VSNL1: variants seen among roughly 807,000 people sequenced by gnomAD.
VSNL1 encodes visinin-like protein 1.
A neutral mutation model predicts 20.4 loss-of-function variants in VSNL1; 6 were observed. The observed-to-expected ratio is 0.29, with a 90% CI of 0.16 to 0.58. The LOEUF (loss-of-function observed/expected upper bound fraction) is 0.58, where lower values mean the gene tolerates loss of function less well. Among genes scored for constraint, VSNL1 ranks in the 20% least tolerant of loss-of-function variants. The pLI is 0.90. For missense variants in VSNL1, 100 were observed against 234.5 expected, an observed-to-expected ratio of 0.43 and a Z score of 3.75; for synonymous variants, 93 against 86.4, an observed-to-expected ratio of 1.08 and a Z score of -0.42.
chr2:17,617,866 T>C (rs72785736), intron 2 of VSNL1, among the ~76,000 whole-genome samples: 4 of 151,212 alleles, frequency 2.6e-5, no homozygotes, highest in Non-Finnish European at 4.4e-5. Flanking sequence ...TTCACCTGCA[T>C]ACATGCACAT....
chr2:17,552,370 T>G (rs961243315), intron 1 of VSNL1, among the ~76,000 whole-genome samples: 30 of 152,298 alleles, frequency 2.0e-4, no homozygotes, highest in African/African-American at 6.5e-4. Flanking sequence ...CAAGGTCACA[T>G]AGATATTAAG....
At chr2:17,577,724 C>T (rs1664250342) in intron 1 of VSNL1, among the ~76,000 whole-genome samples, 1 of 152,118 alleles carries the variant, frequency 6.6e-6, no homozygotes, top group African/African-American at 2.4e-5. Flanking sequence ...CAGGGGACCC[C>T]AGAGTTCCCT....
intron 2 of VSNL1, among the ~76,000 whole-genome samples, chr2:17,631,399 T>C (rs1467491336): frequency 6.6e-6 from 1 of 152,186 alleles, no homozygotes; most frequent in African/African-American, 2.4e-5. Flanking sequence ...TGAACCTCAC[T>C]AGAAATCAGA....
At chr2:17,641,987 T>A (rs763365469) in intron 2 of VSNL1, among the ~76,000 whole-genome samples, 3 of 152,126 alleles carry the variant, frequency 2.0e-5, no homozygotes, top group Non-Finnish European at 4.4e-5. Flanking sequence ...ACTTCCAGAA[T>A]CAGAAAAACT....
chr2:17,577,196 T>A (rs897255865), intron 1 of VSNL1, among the ~76,000 whole-genome samples: 1 of 152,226 alleles, frequency 6.6e-6, no homozygotes, highest in Non-Finnish European at 1.5e-5. Context: ...AGTCCATTGT[T>A]GAGTGAACCG....
At chr2:17,543,534 T>G (rs934776561) in intron 1 of VSNL1, among the ~76,000 whole-genome samples, 4 of 152,040 alleles carry the variant, frequency 2.6e-5, no homozygotes, top group African/African-American at 9.7e-5. Context: ...GAACCCAAAT[T>G]AGAGATGCCT....
intron 2 of VSNL1, among the ~76,000 whole-genome samples, chr2:17,627,562 T>C (rs960709461): frequency 6.6e-6 from 1 of 152,154 alleles, no homozygotes; most frequent in Non-Finnish European, 1.5e-5. Context: ...TCGGGAATGT[T>C]GATTGGTTAG....
intron 3 of VSNL1, among the ~76,000 whole-genome samples, chr2:17,653,831 T>A (rs949131939): frequency 2.0e-5 from 3 of 152,206 alleles, no homozygotes; most frequent in African/African-American, 4.8e-5. Context: ...ATCACCATAA[T>A]GTAAATTTAA....
At chr2:17,619,322 C>T (rs16983737) in intron 2 of VSNL1, among the ~76,000 whole-genome samples, 8,014 of 152,120 alleles carry the variant, frequency 0.053, 604 homozygotes, top group African/African-American at 0.17. Context: ...AGGTAGAGAG[C>T]GGGCAATCTT....
rs978580255 is a variant in VSNL1 at position 17,618,240 on chromosome 2, A to G, written c.162+26004A>G. 5.9e-5 allele frequency among the ~76,000 whole-genome samples: 9 copies of G among 152,378 alleles called. 1 individual carries two copies. Among genetic ancestry groups the G allele is most frequent in the Middle Eastern group, 6.8e-3 (2 of 294 alleles). On this transcript the variant is annotated intron_variant, in intron 2 of 3. Transcript: ENST00000295156. The stretch of plus-strand genomic sequence containing the variant: ...GTATTATCTTACACTTTTGGGGGCC[A>G]GAAATCTGAAACAGATTTCATTAGG...
intron 2 of VSNL1, among the ~76,000 whole-genome samples, chr2:17,622,585 AAAGAAAGAAAGAAAGAAAAG>A (rs1558303701): frequency 1.5e-5 from 2 of 133,330 alleles, no homozygotes; most frequent in African/African-American, 5.5e-5. Flanking sequence ...AGAAAGAAAG[AAAGAAAGAAAGAAAGAAAAG>A]AAAGAAAGAT....
intron 2 of VSNL1, among the ~76,000 whole-genome samples, chr2:17,636,516 C>G (rs1665752216): frequency 6.6e-6 from 1 of 152,176 alleles, no homozygotes; most frequent in African/African-American, 2.4e-5. Flanking sequence ...TAGCCACGGG[C>G]TGCATGTGGT....
At chr2:17,627,943 GGAAT>G (rs1198770619) in intron 2 of VSNL1, among the ~76,000 whole-genome samples, 1 of 152,234 alleles carries the variant, frequency 6.6e-6, no homozygotes, top group Non-Finnish European at 1.5e-5. Context: ...CCTATGCCCA[GGAAT>G]GAACAAGGAC....
intron 2 of VSNL1, among the ~76,000 whole-genome samples, chr2:17,614,311 T>C (rs1665163650): frequency 6.6e-6 from 1 of 152,266 alleles, no homozygotes; most frequent in Non-Finnish European, 1.5e-5. Context: ...GGCTTAACAA[T>C]GTTCAGCAAA....
At chr2:17,630,750 G>A (rs745647734) in intron 2 of VSNL1, among the ~76,000 whole-genome samples, 5 of 151,956 alleles carry the variant, frequency 3.3e-5, no homozygotes, top group African/African-American at 4.8e-5. Flanking sequence ...ACATACACCC[G>A]CATATATGGG....
intron 2 of VSNL1, among the ~76,000 whole-genome samples, chr2:17,639,133 C>T (rs1204480670): frequency 1.3e-5 from 2 of 152,162 alleles, no homozygotes. Flanking sequence ...CCCAGTTGCC[C>T]TTCAGGGGAG....
At chr2:17,577,785 A>C (rs1664252239) in intron 1 of VSNL1, among the ~76,000 whole-genome samples, 1 of 152,208 alleles carries the variant, frequency 6.6e-6, no homozygotes, top group Non-Finnish European at 1.5e-5. Context: ...TGAAAAAGGG[A>C]GACTGATGAG....
intron 2 of VSNL1, among the ~76,000 whole-genome samples, chr2:17,604,772 T>A (rs1441828818): frequency 6.6e-6 from 1 of 152,242 alleles, no homozygotes; most frequent in Non-Finnish European, 1.5e-5. Context: ...CACAGTGTTT[T>A]TAGGGACCAG....
intron 2 of VSNL1, among the ~76,000 whole-genome samples, chr2:17,600,729 G>A (rs1048671131): frequency 3.9e-5 from 6 of 152,164 alleles, no homozygotes; most frequent in African/African-American, 7.2e-5. Flanking sequence ...ATCCAGACAG[G>A]GCTAGTGAGG....
Sources: allele counts gnomAD v4.1 joint callset (sites outside exome capture counted in the v4.1 genomes callset), GRCh38; gene constraint gnomAD v4.1.1; transcripts MANE v1.5; gene names NCBI Gene and HGNC (gene_info 2026-07-23, HGNC 2026-07-21).